RPL3L: variants seen among roughly 807,000 people sequenced by gnomAD.
RPL3L encodes the protein ribosomal protein L3 like, also known as ribosomal protein uL3-like.
In RPL3L, 44 loss-of-function variants were observed where a neutral mutation model predicts 44.5. That is an observed-to-expected ratio of 0.99 (90% CI 0.78 to 1.27). RPL3L has a LOEUF of 1.27. Among genes scored for constraint, RPL3L ranks in the 50% most tolerant of loss-of-function variants. RPL3L has a pLI of 0.00. For synonymous variants in RPL3L, 292 were observed against 230.7 expected, an observed-to-expected ratio of 1.27 and a Z score of -2.41; for missense variants, 631 against 569.1, an observed-to-expected ratio of 1.11 and a Z score of -1.11.
chr16:1,953,775 G>A (rs1001903474), intron 2 of RPL3L, among the ~76,000 whole-genome samples, 181 bp downstream of exon 2: 5 of 152,152 alleles, frequency 3.3e-5, no homozygotes, highest in Non-Finnish European at 5.9e-5. Context: ...TGCGAGCTGG[G>A]GCCATGACAG....
rs140185678 is a variant in RPL3L, at chr16:1,953,015, G to A, written c.224C>T (p.Ala75Val). 0.031 allele frequency: 50,301 copies of A among 1,605,464 alleles called. 1,051 individuals are homozygous for A. Among genetic ancestry groups the A allele is most frequent in the Non-Finnish European group, 0.037 (43,561 of 1,175,606 alleles). Reference sequence around the variant, plus strand: ...GGGCGGCGTTTCTACAATTGTCACCGCCTCCACCTCCTCCCGTTTGGAAAT... The same window carrying A: ...GGGCGGCGTTTCTACAATTGTCACCACCTCCACCTCCTCCCGTTTGGAAAT... Reference protein sequence around the residue: ...LKISKREEVEAVTIVETPPLV... With the variant: ...LKISKREEVEVVTIVETPPLV... The change falls in exon 3 of 10, where the codon GCG (alanine) becomes GTG (valine). Residue 75 changes from alanine (A) to valine (V), a missense_variant. Ala to Val is a moderately conservative substitution (Grantham distance 64). Transcript: ENST00000268661.
At chr16:1,946,915 C>T (rs1243500630) in intron 6 of RPL3L, 23 bp downstream of exon 6, 2 of 1,587,384 alleles carry the variant, frequency 1.3e-6, no homozygotes, top group Admixed American at 3.4e-5. Context: ...CACAGTGTCC[C>T]CGTACCCCGG....
At chr16:1,947,677 C>T (rs966735201) in intron 4 of RPL3L, among the ~76,000 whole-genome samples, 2 of 152,138 alleles carry the variant, frequency 1.3e-5, no homozygotes, top group African/African-American at 4.8e-5. Flanking sequence ...GTTTCAGATA[C>T]AGTGGTCAGG....
intron 3 of RPL3L, among the ~76,000 whole-genome samples, chr16:1,951,358 G>A (rs1429390042): frequency 6.6e-6 from 1 of 152,154 alleles, no homozygotes; most frequent in Non-Finnish European, 1.5e-5. Context: ...GCCATGGCCA[G>A]GCACCTCGGG....
intron 3 of RPL3L, among the ~76,000 whole-genome samples, chr16:1,952,332 C>T (rs539301855): frequency 2.6e-4 from 40 of 151,910 alleles, no homozygotes; most frequent in Non-Finnish European, 4.4e-4. Context: ...TTTCCTCCAT[C>T]CTGATTTCAT....
chr16:1,946,687 T>C lies in RPL3L; in HGVS notation c.889A>G (p.Lys297Glu). 3 of 1,612,784 alleles carry C rather than the reference T, an allele frequency of 1.9e-6. No homozygotes were observed. The highest frequency in any genetic ancestry group is 2.5e-6 in the Non-Finnish European group (3 of 1,179,986). ...GTGGATGCATTGTTCTTCACCAGCT[T>C]CCCGTCCTCCATGTGCGGGCCCCTG... ...IGRGPHMEDG[K>E]LVKNNASTSY... The change falls in exon 7 of 10, where the codon AAG becomes GAG. Residue 297 changes from lysine (K) to glutamate (E), a missense_variant. Transcript: ENST00000268661.
At chr16:1,954,193 T>C (rs765071857) in intron 1 of RPL3L, 45 bp from the exon 2 acceptor site, 2 of 1,487,352 alleles carry the variant, frequency 1.3e-6, no homozygotes, top group South Asian at 1.4e-5. Flanking sequence ...GTGTCCCTGG[T>C]GGTAGAGCTG....
At position 1,950,921 on chromosome 16, in the gene RPL3L, C is replaced by T. The variant is rs1340021144; in HGVS notation, c.424G>A (p.Gly142Arg). The T allele has an allele frequency of 3.1e-6, 5 of 1,613,910 alleles. No individual in the cohort carries two copies. Among genetic ancestry groups the T allele is most frequent in the African/African-American group, 2.7e-5 (2 of 74,872 alleles). ...AAGTCCTTCTGTAGCTGCTTTTTCC[C>T]GTCTGTGTCCCGCCACCTCTTGCAG... ...KACKRWRDTD[G>R]KKQLQKDFAA... Residue 142 changes from glycine to arginine, a missense_variant, in exon 4 of 10, where the codon GGG becomes AGG. Transcript: ENST00000268661.
At chr16:1,953,841 G>T in intron 2 of RPL3L, 115 bp downstream of exon 2, 1 of 1,115,094 alleles carries the variant, frequency 9.0e-7, no homozygotes, top group Non-Finnish European at 1.2e-6. Flanking sequence ...CCGGGGGCGA[G>T]GCCTGGTGCT....
chr16:1,953,643 T>C (rs1354354996), intron 2 of RPL3L, among the ~76,000 whole-genome samples: 1 of 152,244 alleles, frequency 6.6e-6, no homozygotes, highest in African/African-American at 2.4e-5. Context: ...AAAGTGCAGA[T>C]GTCCTGGCAG....
chr16:1,954,524 G>T, intron 1 of RPL3L, 105 bp downstream of exon 1: 1 of 1,314,280 alleles, frequency 7.6e-7, no homozygotes, highest in Non-Finnish European at 1.0e-6. Flanking sequence ...TCCCCTCACA[G>T]GCTGGGAGAC....
At chr16:1,945,354 C>A (rs79459282) in intron 9 of RPL3L, 145 bp downstream of exon 9, 4 of 730,992 alleles carry the variant, frequency 5.5e-6, no homozygotes, top group Non-Finnish European at 7.4e-6. Context: ...GACTCCATCT[C>A]AAAAAATAAA....
chr16:1,949,259 C>CTTTTTTTTTTTTTTATTTTTTT (rs2083150834), intron 4 of RPL3L, among the ~76,000 whole-genome samples: 1 of 75,236 alleles, frequency 1.3e-5, no homozygotes, highest in African/African-American at 4.8e-5. Flanking sequence ...TTTTTTTTTT[C>CTTTTTTTTTTTTTTATTTTTTT]TTTTTTTTTT....
Position 1,954,165 on chromosome 16 carries a change from AAGG to A in RPL3L, c.4-20_4-18del, listed in dbSNP as rs1363003197. 4 of 1,553,830 alleles carry A rather than the reference AAGG, an allele frequency of 2.6e-6. No individual in the cohort carries two copies. The highest frequency in any genetic ancestry group is 3.5e-6 in the Non-Finnish European group (4 of 1,147,902). ...CCGGTGGGACTGGGGGGCAGGAAGG[AAGG>A]AGGTCAGACCTGGGGTGTCCCTGGT... On this transcript the variant is annotated intron_variant, in intron 1 of 9. Coordinates refer to ENST00000268661, the MANE Select transcript of RPL3L (RefSeq NM_005061.3).
chr16:1,947,483 T>G, intron 4 of RPL3L, 103 bp from the exon 5 acceptor site: 1 of 1,318,056 alleles, frequency 7.6e-7, no homozygotes. Context: ...CACGCATGCA[T>G]TCATTCACAG....
In RPL3L at chr16:1,946,633, T is replaced by C. The variant is rs969214638; in HGVS notation, c.943A>G (p.Thr315Ala). ...CCCCCTCCCAGCCTCACCAGCGGTG[T>C]GATGGACTTGGCAGTCACGTCGTAG... ...TSYDVTAKSI[T>A]PLGGFPHYGE... Residue 315 changes from threonine (T) to alanine (A), a missense_variant, in exon 7 of 10, where the codon ACA (threonine) becomes GCA (alanine). By Grantham distance (58) the Thr-to-Ala change is moderately conservative. Transcript: ENST00000268661. 1.2e-5 allele frequency: 20 copies of C among 1,612,336 alleles called. No homozygotes were observed. Among genetic ancestry groups the C allele is most frequent in the Non-Finnish European group, 1.6e-5 (19 of 1,179,648 alleles).
intron 9 of RPL3L, 100 bp from the exon 10 acceptor site, chr16:1,944,993 C>A: frequency 6.9e-7 from 1 of 1,440,860 alleles, no homozygotes; most frequent in Non-Finnish European, 9.7e-7. Flanking sequence ...GCCCTACTGC[C>A]CCCCTAAGGC....
At chr16:1,948,183 C>T (rs1238012269) in intron 4 of RPL3L, among the ~76,000 whole-genome samples, 2 of 151,660 alleles carry the variant, frequency 1.3e-5, no homozygotes, top group Admixed American at 6.6e-5. Context: ...ATGATCCGCC[C>T]GCCTCAGCCT....
At position 1,944,601 on chromosome 16, in the gene RPL3L, T is replaced by A. The variant is rs1654252838; in HGVS notation, c.*236A>T. The A allele has an allele frequency of 2.2e-6, 1 of 449,522 alleles. No individual in the cohort carries two copies. The highest frequency in any genetic ancestry group is 4.0e-6 in the Non-Finnish European group (1 of 248,636). The allele number at this position is 449,522 out of a possible 1,614,324, so 27.8% of individuals were successfully genotyped here. On this transcript the variant is annotated 3_prime_UTR_variant, in exon 10 of 10. Transcript: ENST00000268661. ...AAATGCTCAAAGAGATCGATTTGAG[T>A]AATAATAAAACATAAAACTCCGGTC...
Sources: gnomAD v4.1 joint callset for allele counts (sites outside exome capture counted in the v4.1 genomes callset) on GRCh38, gnomAD v4.1.1 for gene constraint, MANE v1.5 for transcripts, NCBI Gene and HGNC (gene_info 2026-07-23, HGNC 2026-07-21) for gene names.